The following CCNH variants were observed in gnomAD, a reference collection of about 807,000 sequenced individuals.
The protein encoded by CCNH is cyclin H, also known as cyclin-H.
A neutral mutation model predicts 41.9 loss-of-function variants in CCNH; 31 were observed. The ratio of observed to expected loss-of-function variants is 0.74; its 90% CI spans 0.56 to 1.00. The LOEUF (loss-of-function observed/expected upper bound fraction) is 1.00, where lower values mean the gene tolerates loss of function less well. Ranked by LOEUF, CCNH falls within the 50% of genes least tolerant of loss-of-function variation. The probability of loss-of-function intolerance (pLI) is 0.00; values close to 1 mark genes in which losing one functional copy is unlikely to be tolerated. For missense variants in CCNH, 362 were observed against 388.4 expected, an observed-to-expected ratio of 0.93 and a Z score of 0.57; for synonymous variants, 138 against 136.1, an observed-to-expected ratio of 1.01 and a Z score of -0.10.
At chr5:87,402,925 C>T (rs573910400) in intron 5 of CCNH, among the ~76,000 whole-genome samples, 27 of 152,176 alleles carry the variant, frequency 1.8e-4, no homozygotes, top group African/African-American at 6.3e-4. Flanking sequence ...CAACTCTTAA[C>T]CTCAATTTTG....
downstream of CCNH, among the ~76,000 whole-genome samples, chr5:87,393,102 C>G (rs3093865): frequency 7.5e-3 from 1,139 of 151,110 alleles, 18 homozygotes; most frequent in African/African-American, 0.027. Context: ...AAAACTCAAG[C>G]CTACAGTGTA....
chr5:87,318,696 C>A (rs1050734893), exon 10 of CCNH: 1 of 152,194 alleles, frequency 6.6e-6, no homozygotes, highest in Non-Finnish European at 1.5e-5. Flanking sequence ...CTGGGAATTA[C>A]AATTCAACAT....
chr5:87,391,549 A>G (rs957293978), downstream of CCNH: 11 of 237,914 alleles, frequency 4.6e-5, no homozygotes, highest in African/African-American at 2.4e-4. Context: ...AAATTGTCAA[A>G]GACTGTATTT....
chr5:87,317,721 G>A (rs1333142097), downstream of CCNH, among the ~76,000 whole-genome samples: 3 of 150,102 alleles, frequency 2.0e-5, no homozygotes, highest in African/African-American at 7.4e-5. Flanking sequence ...CTGCAGCCTC[G>A]GCCACCTGGG....
chr5:87,355,933 A>T lies in CCNH; in HGVS notation c.*90+36837T>A, dbSNP rs146873690. ...AAGTAGCAGGAGAACTAAATTTGGA[A>T]GTGGAGCTTGAAGATGTGACTGAAT... On this transcript the variant is annotated intron_variant and NMD_transcript_variant, in intron 9 of 9. Coordinates refer to the CCNH transcript ENST00000645953. 1.8e-3 allele frequency among the ~76,000 whole-genome samples: 271 copies of T among 152,310 alleles called. 1 individual carries two copies. The highest frequency in any genetic ancestry group is 6.0e-3 in the African/African-American group (250 of 41,576).
chr5:87,402,268 A>G (rs906406173), intron 5 of CCNH, among the ~76,000 whole-genome samples: 2 of 152,200 alleles, frequency 1.3e-5, no homozygotes, highest in African/African-American at 2.4e-5. Context: ...ATTCAAACCA[A>G]CAAGACTACC....
chr5:87,330,830 C>T (rs989156519), intron 9 of CCNH: 9 of 575,370 alleles, frequency 1.6e-5, no homozygotes, highest in African/African-American at 7.8e-5. Flanking sequence ...TAATCAGCTT[C>T]ACGTTCAAAC....
intron 9 of CCNH, chr5:87,383,850 C>G: frequency 8.5e-7 from 1 of 1,171,098 alleles, no homozygotes; most frequent in Non-Finnish European, 1.2e-6. Context: ...TTTAAGAATA[C>G]TCTTAAATCT....
chr5:87,379,624 A>T (rs1761565679), upstream of CCNH: 2 of 1,425,194 alleles, frequency 1.4e-6, no homozygotes, highest in Admixed American at 4.7e-5. Flanking sequence ...CAATACACAC[A>T]GAGATACCGA....
chr5:87,401,815 A>G, intron 5 of CCNH, 43 bp from the exon 6 acceptor site: 1 of 1,169,628 alleles, frequency 8.5e-7, no homozygotes, highest in Non-Finnish European at 1.2e-6. Flanking sequence ...AACATACAGC[A>G]CATTGAGAAA....
chr5:87,356,544 C>T (rs997411570), intron 9 of CCNH, among the ~76,000 whole-genome samples: 11 of 152,046 alleles, frequency 7.2e-5, no homozygotes, highest in African/African-American at 2.2e-4. Flanking sequence ...TGTACACCAC[C>T]GTGCCTAGCT....
At chr5:87,391,568 T>G, downstream of CCNH, 2 of 236,226 alleles carry the variant, frequency 8.5e-6, no homozygotes, top group Non-Finnish European at 1.7e-5. Context: ...TTAGATCTCA[T>G]AATGCTTTGT....
intron 9 of CCNH, among the ~76,000 whole-genome samples, chr5:87,332,124 T>A (rs1445935493): frequency 6.6e-6 from 1 of 152,126 alleles, no homozygotes; most frequent in African/African-American, 2.4e-5. Context: ...GTGAAATTAT[T>A]ACTGTACTTT....
chr5:87,388,593 A>T (rs1762232779), downstream of CCNH, among the ~76,000 whole-genome samples: 2 of 152,172 alleles, frequency 1.3e-5, no homozygotes, highest in Non-Finnish European at 2.9e-5. Flanking sequence ...TTCAACCTAT[A>T]CTATAAACTT....
chr5:87,337,448 A>C (rs1045178641), intron 9 of CCNH, among the ~76,000 whole-genome samples: 1 of 152,108 alleles, frequency 6.6e-6, no homozygotes, highest in Non-Finnish European at 1.5e-5. Context: ...TGGTTTTTTT[A>C]TAAGAAAAAT....
intron 9 of CCNH, among the ~76,000 whole-genome samples, chr5:87,338,502 TA>T (rs1379103503): frequency 9.5e-4 from 8 of 8,420 alleles, no homozygotes; most frequent in East Asian, 2.9e-3. Context: ...CAGCTAATTT[TA>T]TATATATATA....
chr5:87,407,406 C>A (rs1388400985), intron 4 of CCNH, among the ~76,000 whole-genome samples: 4 of 152,106 alleles, frequency 2.6e-5, no homozygotes, highest in African/African-American at 9.7e-5. Context: ...CATGAATGAA[C>A]CAATTCCTGA....
At chr5:87,399,811 T>TAA (rs141836526) in intron 6 of CCNH, among the ~76,000 whole-genome samples, 1 of 150,226 alleles carries the variant, frequency 6.7e-6, no homozygotes, top group East Asian at 1.9e-4. Context: ...TTTTAAGACT[T>TAA]AAAAAAAAAA....
exon 1 of CCNH, chr5:87,377,032 G>A (rs1318199497): frequency 3.1e-6 from 5 of 1,613,648 alleles, no homozygotes; most frequent in Non-Finnish European, 4.2e-6. Context: ...AGAGAAATAA[G>A]CATGGAAGGT....
Sources: gnomAD v4.1 joint callset for allele counts (sites outside exome capture counted in the v4.1 genomes callset) on GRCh38, gnomAD v4.1.1 for gene constraint, MANE v1.5 for transcripts, NCBI Gene and HGNC (gene_info 2026-07-23, HGNC 2026-07-21) for gene names.